Variants in PCSK2 observed in about 807,000 individuals in gnomAD.
The protein encoded by PCSK2 is neuroendocrine convertase 2.
Under a neutral mutation model 69.7 loss-of-function variants are expected in PCSK2, and 14 were observed. That is an observed-to-expected ratio of 0.20 (90% CI 0.13 to 0.31). The LOEUF (loss-of-function observed/expected upper bound fraction) is 0.31, where lower values mean the gene tolerates loss of function less well. Ranked by LOEUF, PCSK2 falls within the 10% of genes least tolerant of loss-of-function variation. PCSK2 has a pLI of 1.00. For synonymous variants in PCSK2, 307 were observed against 320.7 expected (o/e 0.96, Z 0.46); for missense variants, 544 against 842.5 (o/e 0.65, Z 4.39).
At chr20:17,312,204 A>G (rs1989539952) in intron 2 of PCSK2, among the ~76,000 whole-genome samples, 1 of 152,168 alleles carries the variant, frequency 6.6e-6, no homozygotes, top group Admixed American at 6.5e-5. Flanking sequence ...CCATTCTGGC[A>G]TAGTCTTCCT....
At chr20:17,261,331 A>G (rs1225798812) in intron 2 of PCSK2, among the ~76,000 whole-genome samples, 1 of 152,246 alleles carries the variant, frequency 6.6e-6, no homozygotes, top group East Asian at 1.9e-4. Context: ...TTGAGCTGAT[A>G]GAATCTGAAA....
intron 2 of PCSK2, among the ~76,000 whole-genome samples, chr20:17,281,392 G>C (rs1181397086): frequency 6.6e-6 from 1 of 152,094 alleles, no homozygotes; most frequent in Non-Finnish European, 1.5e-5. Flanking sequence ...TGTCCCTTGG[G>C]AGCAAACCTC....
chr20:17,303,998 T>TG (rs1989245877), intron 2 of PCSK2, among the ~76,000 whole-genome samples: 2 of 150,242 alleles, frequency 1.3e-5, no homozygotes, highest in African/African-American at 2.4e-5. Context: ...TATATAGCTA[T>TG]TACATAGCTA....
rs550733229 is a variant in PCSK2 at position 17,363,444 on chromosome 20, T to C, written c.505+2804T>C. ...AGGGTCTACTAGGACATTTCACCTATGTAGATATTAGCAAGGACCCCATTT... is the reference window on the plus strand; with the variant it reads ...AGGGTCTACTAGGACATTTCACCTACGTAGATATTAGCAAGGACCCCATTT... On this transcript the variant is annotated intron_variant, in intron 4 of 11. Transcript: ENST00000262545. Among the ~76,000 whole-genome samples the C allele has an allele frequency of 4.5e-4, 68 of 152,340 alleles. 1 individual carries two copies. The highest frequency in any genetic ancestry group is 4.3e-3 in the Admixed American group (66 of 15,298).
intron 6 of PCSK2, among the ~76,000 whole-genome samples, chr20:17,416,561 T>C (rs1260255944): frequency 2.0e-5 from 3 of 149,894 alleles, no homozygotes; most frequent in Non-Finnish European, 3.0e-5. Flanking sequence ...GGAACGCTTT[T>C]GCACTGTTGG....
At position 17,299,713 on chromosome 20, in the gene PCSK2, C is replaced by T. The variant is rs150448961; in HGVS notation, c.282+39369C>T. ...TTTTTCTTAAGTTTACCTTTTCCTTCGCTAATCCAATTTTTCACATAATCT... is the reference window on the plus strand; with the variant it reads ...TTTTTCTTAAGTTTACCTTTTCCTTTGCTAATCCAATTTTTCACATAATCT... On this transcript the variant is annotated intron_variant, in intron 2 of 11. Coordinates refer to ENST00000262545, the MANE Select transcript of PCSK2 (RefSeq NM_002594.5). 1.1e-3 allele frequency among the ~76,000 whole-genome samples: 173 copies of T among 152,100 alleles called. 2 individuals carry two copies. In the East Asian group the frequency reaches 0.026, roughly 23 times the overall value.
chr20:17,363,500 A>T (rs1319618016), intron 4 of PCSK2, among the ~76,000 whole-genome samples: 1 of 152,204 alleles, frequency 6.6e-6, no homozygotes, highest in Non-Finnish European at 1.5e-5. Context: ...TTTTACTGTA[A>T]TGGAATTGTT....
intron 2 of PCSK2, among the ~76,000 whole-genome samples, chr20:17,302,433 A>G (rs780056361): frequency 1.3e-5 from 2 of 152,120 alleles, no homozygotes; most frequent in Non-Finnish European, 2.9e-5. Context: ...CTTATGTCCC[A>G]TTCCTTGCCT....
chr20:17,481,516 G>A (rs1600616082), intron 11 of PCSK2, 68 bp from the exon 12 acceptor site: 1 of 1,479,924 alleles, frequency 6.8e-7, no homozygotes. Context: ...ACCTGAAGCT[G>A]CCCTCAAAAT....
In PCSK2 at chr20:17,481,876, G is replaced by C; in HGVS notation, c.1723G>C (p.Val575Leu). ...CACCTGGACCCTGGAGCTGGGATTT[G>C]TCGGCAGCGCCCCGCAGAAGGGGGT... ...RGTWTLELGF[V>L]GSAPQKGVLK... The change falls in exon 12 of 12, where the codon GTC becomes CTC. Residue 575 changes from valine (V) to leucine (L), a missense_variant. This residue lies in a region of PCSK2 where 200 missense variants were observed against 287.8 expected (regional missense o/e 0.69). Coordinates refer to ENST00000262545, the MANE Select transcript of PCSK2 (RefSeq NM_002594.5). 1 of 1,614,066 alleles carries C rather than the reference G, an allele frequency of 6.2e-7. No individual in the cohort carries two copies. Among genetic ancestry groups the C allele is most frequent in the Non-Finnish European group, 8.5e-7 (1 of 1,180,014 alleles).
chr20:17,238,477 A>G (rs987764559), intron 1 of PCSK2, among the ~76,000 whole-genome samples: 1 of 152,222 alleles, frequency 6.6e-6, no homozygotes, highest in African/African-American at 2.4e-5. Flanking sequence ...TTAATAAATG[A>G]AGGAAATAAA....
intron 2 of PCSK2, among the ~76,000 whole-genome samples, chr20:17,353,511 T>C (rs1219721220): frequency 6.6e-6 from 1 of 150,432 alleles, no homozygotes; most frequent in African/African-American, 2.4e-5. Flanking sequence ...GGCGAGGCTG[T>C]GGAGAAAAGA....
At chr20:17,348,115 AAGAG>A (rs1253961961) in intron 2 of PCSK2, among the ~76,000 whole-genome samples, 4 of 150,922 alleles carry the variant, frequency 2.7e-5, no homozygotes, top group Admixed American at 6.6e-5. Flanking sequence ...AAAGAAAAGA[AAGAG>A]AGAGAGAAAA....
At chr20:17,397,591 G>T (rs983058037) in intron 5 of PCSK2, among the ~76,000 whole-genome samples, 11 of 151,784 alleles carry the variant, frequency 7.2e-5, no homozygotes, top group Admixed American at 6.6e-4. Context: ...GCAATTCTCT[G>T]CTTCAGCCTC....
intron 6 of PCSK2, among the ~76,000 whole-genome samples, chr20:17,420,186 CA>C (rs1412524640): frequency 6.6e-6 from 1 of 152,038 alleles, no homozygotes; most frequent in East Asian, 1.9e-4. Flanking sequence ...CAACAGGCCA[CA>C]AAAAAGTGTG....
chr20:17,360,932 C>T (rs2030370962), intron 4 of PCSK2, among the ~76,000 whole-genome samples: 1 of 152,166 alleles, frequency 6.6e-6, no homozygotes. Flanking sequence ...TACACTTTAC[C>T]TTAAAATGTC....
At chr20:17,236,109 G>GT (rs1986328007) in intron 1 of PCSK2, among the ~76,000 whole-genome samples, 1 of 152,006 alleles carries the variant, frequency 6.6e-6, no homozygotes, top group Non-Finnish European at 1.5e-5. Context: ...AGATACTTCT[G>GT]TATGAATATG....
chr20:17,303,237 TATAG>T (rs1159834444), intron 2 of PCSK2, among the ~76,000 whole-genome samples: 7 of 141,324 alleles, frequency 5.0e-5, no homozygotes, highest in Middle Eastern at 3.6e-3. Flanking sequence ...TTTCATATAT[TATAG>T]ATAATTATAT....
At chr20:17,330,765 C>T (rs974956292) in intron 2 of PCSK2, among the ~76,000 whole-genome samples, 1 of 152,104 alleles carries the variant, frequency 6.6e-6, no homozygotes. Context: ...GAGGCTGGAC[C>T]AGCAGCTAAC....
Sources: gnomAD v4.1 joint callset for allele counts (sites outside exome capture counted in the v4.1 genomes callset) on GRCh38, gnomAD v4.1.1 for gene constraint, gnomAD v4.1.1 regional missense constraint, MANE v1.5 for transcripts, NCBI Gene and HGNC (gene_info 2026-07-23, HGNC 2026-07-21) for gene names.